The following RABGEF1 variants were observed in gnomAD, a reference collection of about 807,000 sequenced individuals.
The protein encoded by RABGEF1 is RAB guanine nucleotide exchange factor 1, also known as rab5 GDP/GTP exchange factor.
Under a neutral mutation model 57.3 loss-of-function variants are expected in RABGEF1, and 26 were observed. That is an observed-to-expected ratio of 0.45 (90% CI 0.33 to 0.63). RABGEF1 has a LOEUF of 0.63. RABGEF1 is among the 20% of genes least tolerant of loss of function. The probability of loss-of-function intolerance (pLI) is 0.02; values close to 1 mark genes in which losing one functional copy is unlikely to be tolerated. For synonymous variants in RABGEF1, 185 were observed against 210.7 expected (o/e 0.88, Z 1.06); for missense variants, 464 against 607.6 (o/e 0.76, Z 2.48).
chr7:66,737,442 T>TG (rs529868042), upstream of RABGEF1, among the ~76,000 whole-genome samples: 378 of 149,396 alleles, frequency 2.5e-3, 2 homozygotes, highest in South Asian at 0.019. Flanking sequence ...CGAGACTGGG[T>TG]AGGGGGGGGC....
At chr7:66,690,948 G>A (rs888333031) in intron 1 of RABGEF1, among the ~76,000 whole-genome samples, 19 of 150,696 alleles carry the variant, frequency 1.3e-4, no homozygotes, top group Admixed American at 1.1e-3. Context: ...AAAATTAGCC[G>A]AGTGTGGTGG....
At chr7:66,667,123 G>A in the RABGEF1 span, among the ~76,000 whole-genome samples, 1 of 152,188 alleles carries the variant, frequency 6.6e-6, no homozygotes, top group African/African-American at 2.4e-5. Flanking sequence ...AGGGAGGGTG[G>A]AGCATAGGGA....
the RABGEF1 span, among the ~76,000 whole-genome samples, chr7:66,663,706 C>T: frequency 6.6e-6 from 1 of 151,896 alleles, no homozygotes; most frequent in Non-Finnish European, 1.5e-5. Flanking sequence ...CTAACCTGCA[C>T]ATTGTGCACA....
intron 4 of RABGEF1, among the ~76,000 whole-genome samples, chr7:66,786,465 G>A (rs1008481658): frequency 2.0e-5 from 3 of 152,102 alleles, no homozygotes; most frequent in East Asian, 1.9e-4. Flanking sequence ...GCACAATAGC[G>A]CAGTTGCTGC....
At chr7:66,797,583 T>C in intron 6 of RABGEF1, 77 bp downstream of exon 6, 5 of 1,488,230 alleles carry the variant, frequency 3.4e-6, no homozygotes, top group Non-Finnish European at 4.6e-6. Flanking sequence ...ATAATGCACC[T>C]GTGTTTCAAA....
At chr7:66,795,451 T>C in intron 4 of RABGEF1, 60 bp from the exon 5 acceptor site, 1 of 1,404,308 alleles carries the variant, frequency 7.1e-7, no homozygotes, top group Non-Finnish European at 1.0e-6. Context: ...TCTTAGAATG[T>C]AGAGCTGTGC....
At chr7:66,683,115 C>G (rs956168178) in intron 1 of RABGEF1, among the ~76,000 whole-genome samples, 9 of 152,132 alleles carry the variant, frequency 5.9e-5, no homozygotes, top group Non-Finnish European at 4.4e-5. Context: ...AGCTACTTTC[C>G]CCTCTCTAAA....
intron 7 of RABGEF1, among the ~76,000 whole-genome samples, chr7:66,800,560 G>A (rs138130511): frequency 1.1e-3 from 161 of 152,230 alleles, no homozygotes; most frequent in African/African-American, 3.6e-3. Flanking sequence ...AGGCTATGGC[G>A]TAGGTCATGA....
At chr7:66,728,868 C>T (rs1362794547) in intron 2 of RABGEF1, among the ~76,000 whole-genome samples, 3 of 151,290 alleles carry the variant, frequency 2.0e-5, no homozygotes, top group Admixed American at 6.6e-5. Flanking sequence ...TCACCTCCAC[C>T]TTCAACTCCA....
chr7:66,677,934 G>A (rs1789402292), upstream of RABGEF1, among the ~76,000 whole-genome samples: 3 of 151,008 alleles, frequency 2.0e-5, no homozygotes, highest in Non-Finnish European at 3.0e-5. Context: ...GCGTGGTGGC[G>A]TGCACCTGTA....
chr7:66,676,991 T>C, the RABGEF1 span, among the ~76,000 whole-genome samples: 14 of 152,208 alleles, frequency 9.2e-5, no homozygotes, highest in Non-Finnish European at 1.2e-4. Context: ...CAAGAAATCA[T>C]TGCCAAATCC....
chr7:66,759,282 A>G (rs1803605860), intron 1 of RABGEF1, among the ~76,000 whole-genome samples: 1 of 152,224 alleles, frequency 6.6e-6, no homozygotes, highest in Admixed American at 6.5e-5. Context: ...AGTAGGATTA[A>G]TAAAGGTTAG....
At chr7:66,777,386 AT>A (rs1212532650) in intron 3 of RABGEF1, among the ~76,000 whole-genome samples, 1 of 151,938 alleles carries the variant, frequency 6.6e-6, no homozygotes, top group Non-Finnish European at 1.5e-5. Context: ...CTGGGTCAAT[AT>A]TTTTCCATTA....
Position 66,771,938 on chromosome 7 carries a change from T to G in RABGEF1, c.39T>G (p.Asp13Glu). ...LKSERRGIHVDQSDLLCKKGC... is the reference protein window; with the variant it reads ...LKSERRGIHVEQSDLLCKKGC... Reference sequence around the variant, plus strand: ...CTGAACGCCGAGGAATTCATGTGGATCAATCGGATCTCCTGTGCAAGAAAG... The same window carrying G: ...CTGAACGCCGAGGAATTCATGTGGAGCAATCGGATCTCCTGTGCAAGAAAG... The change falls in exon 2 of 9, where the codon GAT (aspartate) becomes GAG (glutamate). Residue 13 changes from aspartate to glutamate, a missense_variant. Asp to Glu is a conservative substitution (Grantham distance 45). Transcript: ENST00000284957. The G allele has an allele frequency of 6.3e-7, 1 of 1,576,862 alleles. No individual in the cohort carries two copies. Among genetic ancestry groups the G allele is most frequent in the Non-Finnish European group, 8.6e-7 (1 of 1,161,858 alleles).
At chr7:66,783,095 C>T (rs1810348592) in intron 3 of RABGEF1, among the ~76,000 whole-genome samples, 1 of 152,158 alleles carries the variant, frequency 6.6e-6, no homozygotes, top group Non-Finnish European at 1.5e-5. Context: ...TCATTGTATG[C>T]TTTGTTGTGT....
chr7:66,803,967 G>T (rs923799200), intron 7 of RABGEF1, among the ~76,000 whole-genome samples: 2 of 151,956 alleles, frequency 1.3e-5, no homozygotes, highest in Admixed American at 1.3e-4. Flanking sequence ...TTATTCCCTT[G>T]CTTGATCCCC....
intron 1 of RABGEF1, among the ~76,000 whole-genome samples, chr7:66,706,163 A>G (rs1481833823): frequency 6.6e-6 from 1 of 151,518 alleles, no homozygotes; most frequent in East Asian, 1.9e-4. Context: ...CGGCCTCGCA[A>G]AGTCCTGGGA....
chr7:66,706,961 A>G (rs1202926569), intron 1 of RABGEF1, among the ~76,000 whole-genome samples: 1 of 148,360 alleles, frequency 6.7e-6, no homozygotes, highest in African/African-American at 2.5e-5. Flanking sequence ...TTTTTTTGGT[A>G]TTTTTAGTAG....
At chr7:66,727,885 G>A (rs1047464017) in intron 2 of RABGEF1, among the ~76,000 whole-genome samples, 2 of 152,158 alleles carry the variant, frequency 1.3e-5, no homozygotes, top group Non-Finnish European at 2.9e-5. Flanking sequence ...TGGAACACAC[G>A]CGTGGCTGCC....
Sources: allele counts gnomAD v4.1 joint callset (sites outside exome capture counted in the v4.1 genomes callset), GRCh38; gene constraint gnomAD v4.1.1; transcripts MANE v1.5; gene names NCBI Gene and HGNC (gene_info 2026-07-23, HGNC 2026-07-21).